Variants in MX1 observed in about 807,000 individuals in gnomAD.
MX1 encodes interferon-induced GTP-binding protein Mx1.
MX1 carries 66 observed loss-of-function variants against 66.4 expected under a neutral mutation model. The ratio of observed to expected loss-of-function variants is 0.99; its 90% CI spans 0.82 to 1.22. The LOEUF is 1.22. Among genes scored for constraint, MX1 ranks in the 50% most tolerant of loss-of-function variants. The pLI, the probability that MX1 is intolerant of heterozygous loss-of-function variation, is 0.00. For missense variants in MX1, 787 were observed against 834.3 expected (o/e 0.94, Z 0.70); for synonymous variants, 311 against 318.1 (o/e 0.98, Z 0.24).
At chr21:41,456,224 A>G (rs1348705039) in intron 16 of MX1, among the ~76,000 whole-genome samples, 1 of 152,240 alleles carries the variant, frequency 6.6e-6, no homozygotes, top group African/African-American at 2.4e-5. Flanking sequence ...AGCCTGGGTG[A>G]CAGAGCGAGA....
chr21:41,444,974 C>T (rs1319947165), intron 11 of MX1, among the ~76,000 whole-genome samples: 1 of 152,136 alleles, frequency 6.6e-6, no homozygotes, highest in Non-Finnish European at 1.5e-5. Flanking sequence ...AAGGGTGAGC[C>T]AGCATATGGC....
chr21:41,424,265 A>C (rs2090023292), upstream of MX1, among the ~76,000 whole-genome samples: 1 of 121,694 alleles, frequency 8.2e-6, no homozygotes, highest in Admixed American at 7.5e-5. Flanking sequence ...GTGTGTGTTA[A>C]AGTGAGGTCA....
intron 13 of MX1, among the ~76,000 whole-genome samples, chr21:41,448,185 T>C (rs1012704898): frequency 1.3e-5 from 2 of 152,174 alleles, no homozygotes; most frequent in Non-Finnish European, 2.9e-5. Flanking sequence ...TGGGGCTAAC[T>C]CTCTCTAGTG....
At chr21:41,434,603 C>T (rs364154) in intron 5 of MX1, among the ~76,000 whole-genome samples, 54,325 of 151,926 alleles carry the variant, frequency 0.36, 11,862 homozygotes, top group Non-Finnish European at 0.51. Context: ...AAGTATAACT[C>T]TTGGTGTTTT....
exon 1 of MX1, chr21:41,420,729 C>A (rs897044066): frequency 6.6e-6 from 1 of 152,300 alleles, no homozygotes; most frequent in Non-Finnish European, 1.5e-5. Flanking sequence ...GTGCCCGGAT[C>A]CCAAGTGCAG....
intron 16 of MX1, among the ~76,000 whole-genome samples, chr21:41,454,579 A>G (rs117942220): frequency 1.5e-3 from 228 of 152,324 alleles, no homozygotes; most frequent in Middle Eastern, 3.4e-3. Context: ...TTGGAATGCA[A>G]TGGTAGCAGA....
chr21:41,452,612 T>C lies in MX1; in HGVS notation c.1510-9T>C, dbSNP rs2090859963. The C allele has an allele frequency of 6.3e-7, 1 of 1,589,836 alleles. No individual in the cohort carries two copies. The highest frequency in any genetic ancestry group is 1.2e-5 in the South Asian group (1 of 86,754). ...GAGGGAAACTGTATTTATTTATTTT[T>C]TACTGTAGTCCAAAATTGAAGACAT... On this transcript the variant is annotated splice_polypyrimidine_tract_variant and intron_variant, in intron 15 of 16. Transcript: ENST00000398598.
intron 16 of MX1, among the ~76,000 whole-genome samples, chr21:41,453,635 C>G (rs955340389): frequency 6.6e-6 from 1 of 152,166 alleles, no homozygotes; most frequent in African/African-American, 2.4e-5. Context: ...GACCATGGCT[C>G]TGGGAACAGT....
chr21:41,450,036 T>G (rs2090781238), intron 14 of MX1, among the ~76,000 whole-genome samples: 2 of 152,194 alleles, frequency 1.3e-5, no homozygotes, highest in African/African-American at 4.8e-5. Flanking sequence ...TTCCAAGAGA[T>G]GTAGGGGCTC....
intron 3 of MX1, chr21:41,428,420 C>G (rs1399344227): frequency 6.6e-6 from 1 of 152,284 alleles, no homozygotes; most frequent in African/African-American, 2.4e-5. Context: ...GCTCTGGAGG[C>G]CAGCCCACTG....
At chr21:41,422,202 C>T (rs566481401), upstream of MX1, 6 of 152,378 alleles carry the variant, frequency 3.9e-5, no homozygotes, top group African/African-American at 1.2e-4. Context: ...CTGGTTAAAA[C>T]TCACCACAAC....
At chr21:41,449,495 C>T in intron 14 of MX1, 200 bp downstream of exon 14, 1 of 503,154 alleles carries the variant, frequency 2.0e-6, no homozygotes, top group Non-Finnish European at 3.4e-6. Context: ...AGTGTGGACC[C>T]CATAGCTTAA....
chr21:41,431,049 G>T (rs1232998165), intron 4 of MX1, among the ~76,000 whole-genome samples: 6 of 152,158 alleles, frequency 3.9e-5, no homozygotes, highest in African/African-American at 4.8e-5. Flanking sequence ...TTAAGACGGG[G>T]TCTCGCTCTG....
chr21:41,452,728 G>A lies in MX1; in HGVS notation c.1617G>A (p.Arg539=). The change falls in exon 16 of 17, where the codon AGG becomes AGA. Residue 539 remains arginine (R), a synonymous_variant. Coordinates refer to ENST00000398598, the MANE Select transcript of MX1 (RefSeq NM_002462.5). The part of the protein sequence containing the change: ...QIVYCQDQVY[R]GALQKVREKE... The stretch of plus-strand genomic sequence containing the variant: ...TCTACTGCCAGGACCAGGTATACAG[G>A]GGTGCATTGCAGAAGGTCAGAGAGA... The A allele has an allele frequency of 1.2e-6, 2 of 1,614,144 alleles. No individual in the cohort carries two copies. Among genetic ancestry groups the A allele is most frequent in the East Asian group, 4.5e-5 (2 of 44,878 alleles).
chr21:41,441,963 A>G lies in MX1; in HGVS notation c.929+49A>G. On this transcript the variant is annotated intron_variant, in intron 10 of 16. Coordinates refer to ENST00000398598, the MANE Select transcript of MX1 (RefSeq NM_002462.5). The surrounding 1 kb of genome is among the most constrained non-coding windows in gnomAD (Gnocchi z 4.0). The stretch of plus-strand genomic sequence containing the variant: ...TGGATCAGTCCAAGCCCAGGATGTC[A>G]GGCCTTCCAGGGGACAGTGGCAGCC... The G allele has an allele frequency of 1.3e-6, 2 of 1,597,734 alleles. No individual in the cohort carries two copies. Among genetic ancestry groups the G allele is most frequent in the Middle Eastern group, 3.3e-4 (2 of 6,018 alleles).
At position 41,439,659 on chromosome 21, in the gene MX1, C is replaced by G. The variant is rs77067940; in HGVS notation, c.437-35C>G. ...TCATGAGATCCGTTTATCCTAAGCT[C>G]TGTTTGGGTTTGATTTTCCCTGTCT... On this transcript the variant is annotated intron_variant, in intron 7 of 16. Transcript: ENST00000398598. 4.2e-5 allele frequency: 68 copies of G among 1,606,078 alleles called. No homozygotes were observed. The East Asian group carries it at 1.5e-3, about 34-fold the overall frequency.
intron 5 of MX1, among the ~76,000 whole-genome samples, chr21:41,434,223 C>T (rs1179220833): frequency 6.6e-6 from 1 of 152,142 alleles, no homozygotes; most frequent in Non-Finnish European, 1.5e-5. Flanking sequence ...CTTCCTGAAC[C>T]TCAATCAGCC....
At chr21:41,453,671 C>T (rs1199239199) in intron 16 of MX1, among the ~76,000 whole-genome samples, 1 of 152,150 alleles carries the variant, frequency 6.6e-6, no homozygotes. Flanking sequence ...GGAAGTGTGC[C>T]TGAGGCTGTC....
At position 41,432,213 on chromosome 21, in the gene MX1, G is replaced by A. The variant is rs1247278122; in HGVS notation, c.105+38G>A. On this transcript the variant is annotated intron_variant, in intron 5 of 16. Coordinates refer to ENST00000398598, the MANE Select transcript of MX1 (RefSeq NM_002462.5). Reference sequence around the variant, plus strand: ...CTGAAAGTCGCTATCCATGTGACATGAGCCATGCCCATTCGAGGCTGCCCT... The same window carrying A: ...CTGAAAGTCGCTATCCATGTGACATAAGCCATGCCCATTCGAGGCTGCCCT... 6 of 1,588,358 alleles carry A rather than the reference G, an allele frequency of 3.8e-6. No individual in the cohort carries two copies. The African/African-American group carries it at 4.0e-5, about 11-fold the overall frequency.
Sources: allele counts gnomAD v4.1 joint callset (sites outside exome capture counted in the v4.1 genomes callset), GRCh38; gene constraint gnomAD v4.1.1; non-coding constraint Gnocchi (gnomAD v3.1); transcripts MANE v1.5; gene names NCBI Gene and HGNC (gene_info 2026-07-23, HGNC 2026-07-21).